ADGRB3: variants seen among roughly 807,000 people sequenced by gnomAD.
ADGRB3 encodes the protein brain-specific angiogenesis inhibitor 3.
Under a neutral mutation model 193.4 loss-of-function variants are expected in ADGRB3, and 37 were observed. That is an observed-to-expected ratio of 0.19 (90% confidence interval 0.15 to 0.25). ADGRB3 has a LOEUF of 0.25. ADGRB3 is among the 10% of genes least tolerant of loss of function. The probability of loss-of-function intolerance (pLI) is 1.00; values close to 1 mark genes in which losing one functional copy is unlikely to be tolerated. For synonymous variants in ADGRB3, 690 were observed against 644.2 expected, an observed-to-expected ratio of 1.07 and a Z score of -1.08; for missense variants, 1,637 against 1,852.9, an observed-to-expected ratio of 0.88 and a Z score of 2.14.
chr6:69,120,076 A>G (rs534353988), intron 17 of ADGRB3, among the ~76,000 whole-genome samples: 60 of 152,282 alleles, frequency 3.9e-4, no homozygotes, highest in African/African-American at 1.4e-3. Context: ...GGATTCATGA[A>G]TAAGTTCAAA....
At chr6:68,777,670 A>T (rs1401025152) in intron 3 of ADGRB3, among the ~76,000 whole-genome samples, 1 of 127,622 alleles carries the variant, frequency 7.8e-6, no homozygotes, top group East Asian at 2.0e-4. Flanking sequence ...CTGGGATCTA[A>T]AAAAAAAAAA....
At chr6:68,968,900 A>C (rs1768473168) in intron 8 of ADGRB3, among the ~76,000 whole-genome samples, 1 of 152,206 alleles carries the variant, frequency 6.6e-6, no homozygotes, top group Non-Finnish European at 1.5e-5. Context: ...ACTAAAATCA[A>C]ATAAAATCCA....
At chr6:69,222,053 A>G (rs1278301709) in intron 17 of ADGRB3, among the ~76,000 whole-genome samples, 2 of 152,148 alleles carry the variant, frequency 1.3e-5, no homozygotes, top group Non-Finnish European at 2.9e-5. Context: ...GAAATACATT[A>G]ATTATTTTAT....
At chr6:68,953,265 A>G (rs1767981007) in intron 6 of ADGRB3, among the ~76,000 whole-genome samples, 1 of 152,154 alleles carries the variant, frequency 6.6e-6, no homozygotes, top group African/African-American at 2.4e-5. Context: ...AGAATACTTA[A>G]GGACATCACA....
Position 69,246,058 on chromosome 6 carries a change from C to T in ADGRB3, c.2814+6832C>T, listed in dbSNP as rs147874143. On this transcript the variant is annotated intron_variant, in intron 20 of 31. Transcript: ENST00000370598. ...TATTTTTCTAGGGCCTGTTTTAGCTCTAAGTGATTGATGGCATGCTTTAAA... is the reference window on the plus strand; with the variant it reads ...TATTTTTCTAGGGCCTGTTTTAGCTTTAAGTGATTGATGGCATGCTTTAAA... Among the ~76,000 whole-genome samples the T allele has an allele frequency of 7.0e-4, 106 of 152,184 alleles. 1 individual carries two copies. Among genetic ancestry groups the T allele is most frequent in the African/African-American group, 2.4e-3 (101 of 41,522 alleles).
chr6:68,918,510 A>G (rs1766942857), intron 3 of ADGRB3, among the ~76,000 whole-genome samples: 1 of 152,214 alleles, frequency 6.6e-6, no homozygotes, highest in African/African-American at 2.4e-5. Context: ...TAACCCTAGC[A>G]TTGTCATCAA....
At chr6:69,036,385 C>A (rs917600032) in intron 13 of ADGRB3, among the ~76,000 whole-genome samples, 2 of 152,034 alleles carry the variant, frequency 1.3e-5, no homozygotes, top group Admixed American at 1.3e-4. Flanking sequence ...GACTCCAGGG[C>A]ACAAATTGAT....
At chr6:68,725,987 G>T (rs1765666838) in intron 3 of ADGRB3, among the ~76,000 whole-genome samples, 1 of 151,550 alleles carries the variant, frequency 6.6e-6, no homozygotes, top group African/African-American at 2.4e-5. Flanking sequence ...GAACATAAAG[G>T]CTATTAAAGA....
chr6:68,755,351 G>A (rs554025059), intron 3 of ADGRB3, among the ~76,000 whole-genome samples: 10 of 152,234 alleles, frequency 6.6e-5, no homozygotes, highest in Non-Finnish European at 1.2e-4. Context: ...TCCAGTGTCC[G>A]GACAGTTTTG....
intron 8 of ADGRB3, among the ~76,000 whole-genome samples, chr6:68,974,367 A>G (rs892747904): frequency 6.6e-6 from 1 of 152,202 alleles, no homozygotes; most frequent in African/African-American, 2.4e-5. Flanking sequence ...CATTAAAGCA[A>G]ATGAAAGAGC....
At chr6:69,192,295 G>T (rs984094127) in intron 17 of ADGRB3, among the ~76,000 whole-genome samples, 2 of 152,104 alleles carry the variant, frequency 1.3e-5, no homozygotes, top group African/African-American at 4.8e-5. Flanking sequence ...GATGTTAGAG[G>T]GCAGGAAGTG....
intron 3 of ADGRB3, among the ~76,000 whole-genome samples, chr6:68,835,970 A>G (rs1156264005): frequency 2.6e-5 from 4 of 152,112 alleles, no homozygotes; most frequent in African/African-American, 9.7e-5. Context: ...CCTCCACTCT[A>G]CAAGGAGACC....
At chr6:68,639,886 C>G (rs1449983997) in intron 3 of ADGRB3, among the ~76,000 whole-genome samples, 1 of 152,146 alleles carries the variant, frequency 6.6e-6, no homozygotes, top group Non-Finnish European at 1.5e-5. Context: ...CTCTCACTCC[C>G]CACCCATTTC....
intron 11 of ADGRB3, among the ~76,000 whole-genome samples, chr6:69,001,106 T>C (rs1028563845): frequency 6.6e-6 from 1 of 152,202 alleles, no homozygotes; most frequent in African/African-American, 2.4e-5. Flanking sequence ...GTTCCACTTC[T>C]ATGAATTTTC....
At chr6:69,256,505 G>C (rs1328909247) in intron 20 of ADGRB3, among the ~76,000 whole-genome samples, 2 of 151,964 alleles carry the variant, frequency 1.3e-5, no homozygotes, top group Admixed American at 1.3e-4. Flanking sequence ...CTCTCTGTTT[G>C]TCTGTTATTG....
chr6:68,794,911 T>C (rs1308756157), intron 3 of ADGRB3, among the ~76,000 whole-genome samples: 1 of 152,096 alleles, frequency 6.6e-6, no homozygotes, highest in Non-Finnish European at 1.5e-5. Context: ...TATTTCCTCC[T>C]GCAATCTGCA....
At chr6:69,116,682 G>T (rs1447483699) in intron 17 of ADGRB3, among the ~76,000 whole-genome samples, 3 of 152,178 alleles carry the variant, frequency 2.0e-5, no homozygotes, top group Non-Finnish European at 4.4e-5. Context: ...ATTAACAACA[G>T]CTTTGCCTTC....
chr6:69,360,598 C>G (rs1185522916), intron 28 of ADGRB3, among the ~76,000 whole-genome samples: 1 of 151,874 alleles, frequency 6.6e-6, no homozygotes, highest in East Asian at 1.9e-4. Flanking sequence ...GGACAGGGTA[C>G]TAAGATTTTT....
intron 3 of ADGRB3, among the ~76,000 whole-genome samples, chr6:68,818,553 T>C (rs917626332): frequency 5.9e-5 from 9 of 152,092 alleles, no homozygotes; most frequent in Admixed American, 5.9e-4. Flanking sequence ...TGAATTTTTA[T>C]TGGAAAGGGG....
Sources: allele counts gnomAD v4.1 joint callset (sites outside exome capture counted in the v4.1 genomes callset), GRCh38; gene constraint gnomAD v4.1.1; transcripts MANE v1.5; gene names NCBI Gene and HGNC (gene_info 2026-07-23, HGNC 2026-07-21).